The following RYR2 variants were observed in gnomAD, a reference collection of about 807,000 sequenced individuals.
The protein encoded by RYR2 is ryanodine receptor 2.
RYR2 carries 227 observed loss-of-function variants against 601.1 expected under a neutral mutation model. The ratio of observed to expected loss-of-function variants is 0.38; its 90% confidence interval spans 0.34 to 0.42. The LOEUF (loss-of-function observed/expected upper bound fraction) is 0.42. RYR2 is among the 10% of genes least tolerant of loss of function. RYR2 has a pLI of 1.00. For synonymous variants in RYR2, 2,223 were observed against 2,175.1 expected (o/e 1.02, Z -0.61); for missense variants, 4,646 against 6,156.5 (o/e 0.75, Z 8.21).
chr1:237,110,636 G>A (rs986317811), intron 1 of RYR2, among the ~76,000 whole-genome samples: 2 of 152,040 alleles, frequency 1.3e-5, no homozygotes, highest in Admixed American at 6.6e-5. Context: ...GAGAACTCTC[G>A]CTCTAGGCAA....
intron 24 of RYR2, among the ~76,000 whole-genome samples, chr1:237,529,304 G>T (rs1421670908): frequency 6.6e-6 from 1 of 151,818 alleles, no homozygotes; most frequent in Non-Finnish European, 1.5e-5. Context: ...CCATAGTTTT[G>T]CAATTTAACG....
rs112795357 is a variant in RYR2 at position 237,179,910 on chromosome 1, T to C, written c.49-90587T>C. Among the ~76,000 whole-genome samples the C allele has an allele frequency of 7.9e-3, 1,205 of 152,170 alleles. 38 individuals are homozygous for C. Among genetic ancestry groups the C allele is most frequent in the African/African-American group, 0.028 (1,160 of 41,458 alleles). ...TGTGCTGGGACTAAATTCTGCCTGA[T>C]TGACCAAGAAAAAGCAAAAGAGGGT... On this transcript the variant is annotated intron_variant, in intron 1 of 104. Transcript: ENST00000366574.
chr1:237,161,802 G>A (rs1676045538), intron 1 of RYR2, among the ~76,000 whole-genome samples: 1 of 152,164 alleles, frequency 6.6e-6, no homozygotes, highest in African/African-American at 2.4e-5. Context: ...TCACATCTGG[G>A]TAGAAATGAA....
chr1:237,380,359 AATATATATATAT>A (rs57204036), intron 8 of RYR2, among the ~76,000 whole-genome samples: 83 of 29,270 alleles, frequency 2.8e-3, no homozygotes, highest in African/African-American at 6.7e-3. Flanking sequence ...AGAATACACA[AATATATATATAT>A]ATATATATAT....
chr1:237,753,813 A>G (rs1055414165), intron 80 of RYR2, among the ~76,000 whole-genome samples: 6 of 152,196 alleles, frequency 3.9e-5, no homozygotes, highest in Non-Finnish European at 5.9e-5. Context: ...TAAGATGCTT[A>G]TAAAAGATCT....
At chr1:237,577,995 G>A (rs982109954) in intron 29 of RYR2, among the ~76,000 whole-genome samples, 3 of 152,088 alleles carry the variant, frequency 2.0e-5, no homozygotes, top group Non-Finnish European at 4.4e-5. Flanking sequence ...TAGAGACGGG[G>A]TTTCACCATG....
At chr1:237,546,986 TA>T (rs1468161757) in intron 25 of RYR2, among the ~76,000 whole-genome samples, 60 of 124,610 alleles carry the variant, frequency 4.8e-4, no homozygotes, top group South Asian at 2.9e-3. Context: ...CATATATATA[TA>T]TATATATATT....
chr1:237,305,170 C>A (rs184684315), intron 2 of RYR2, among the ~76,000 whole-genome samples: 1 of 152,194 alleles, frequency 6.6e-6, no homozygotes, highest in East Asian at 1.9e-4. Context: ...CTTTTGCTCA[C>A]GTGCACAAGG....
intron 1 of RYR2, among the ~76,000 whole-genome samples, chr1:237,254,594 T>C (rs1687769654): frequency 6.6e-6 from 1 of 152,234 alleles, no homozygotes; most frequent in Non-Finnish European, 1.5e-5. Context: ...TTTATTGTGG[T>C]CTCATTCTTT....
At chr1:237,442,932 CTT>C (rs1708036718) in intron 13 of RYR2, among the ~76,000 whole-genome samples, 1 of 152,188 alleles carries the variant, frequency 6.6e-6, no homozygotes, top group Non-Finnish European at 1.5e-5. Context: ...AAAACGCACA[CTT>C]AAATTGTTGG....
At chr1:237,415,282 G>T (rs1032344935) in intron 10 of RYR2, among the ~76,000 whole-genome samples, 47 of 152,128 alleles carry the variant, frequency 3.1e-4, no homozygotes, top group African/African-American at 1.1e-3. Context: ...CTATCCATGT[G>T]AGTACTTTAT....
intron 9 of RYR2, 116 bp from the exon 10 acceptor site, chr1:237,387,971 A>T: frequency 1.1e-6 from 1 of 949,482 alleles, no homozygotes. Flanking sequence ...CCAGGTCCTT[A>T]AGACTCACTA....
intron 100 of RYR2, among the ~76,000 whole-genome samples, chr1:237,816,451 C>T (rs1177587156): frequency 3.9e-5 from 6 of 152,028 alleles, no homozygotes; most frequent in African/African-American, 1.2e-4. Context: ...TTTGGGAGGC[C>T]GAGGCGGGCG....
At chr1:237,701,349 G>A (rs1028337249) in intron 65 of RYR2, among the ~76,000 whole-genome samples, 1 of 152,124 alleles carries the variant, frequency 6.6e-6, no homozygotes, top group Admixed American at 6.6e-5. Flanking sequence ...TGGCCAGTAT[G>A]GTGAAACCCC....
chr1:237,422,378 G>A (rs1003078026), intron 11 of RYR2, among the ~76,000 whole-genome samples: 3 of 152,014 alleles, frequency 2.0e-5, no homozygotes, highest in East Asian at 1.9e-4. Context: ...ACAACATTCA[G>A]TATCCTTCAA....
intron 1 of RYR2, among the ~76,000 whole-genome samples, chr1:237,048,945 C>T (rs1660920794): frequency 6.6e-6 from 1 of 152,100 alleles, no homozygotes; most frequent in African/African-American, 2.4e-5. Context: ...AGGAAGTAGG[C>T]AAAGATAGTG....
rs183264911 is a variant in RYR2, at chr1:237,677,077, C to A, written c.8831-971C>A. On this transcript the variant is annotated intron_variant, in intron 60 of 104. Coordinates refer to ENST00000366574, the MANE Select transcript of RYR2 (RefSeq NM_001035.3). ...TCATGGGGAGAGCATTCTGATATTG[C>A]AAAATAATTGCATAAGTTTCCTATA... 3.6e-3 allele frequency among the ~76,000 whole-genome samples: 542 copies of A among 152,190 alleles called. 4 individuals are homozygous for A. Among genetic ancestry groups the A allele is most frequent in the African/African-American group, 0.012 (519 of 41,526 alleles).
intron 1 of RYR2, among the ~76,000 whole-genome samples, chr1:237,213,915 C>CTTTTT (rs71180008): frequency 2.0e-3 from 128 of 65,468 alleles, no homozygotes; most frequent in Non-Finnish European, 2.8e-3. Flanking sequence ...TTTTCTTTTT[C>CTTTTT]TTTTTTTTTT....
intron 1 of RYR2, among the ~76,000 whole-genome samples, chr1:237,143,999 T>C (rs1182822200): frequency 6.6e-6 from 1 of 152,106 alleles, no homozygotes; most frequent in East Asian, 1.9e-4. Context: ...CATGGTGACA[T>C]GCGCCTGTAG....
Sources: allele counts gnomAD v4.1 joint callset (sites outside exome capture counted in the v4.1 genomes callset), GRCh38; gene constraint gnomAD v4.1.1; transcripts MANE v1.5; gene names NCBI Gene and HGNC (gene_info 2026-07-23, HGNC 2026-07-21).